Variants in GPRASP3 observed in about 807,000 individuals in gnomAD.
GPRASP3 encodes the protein G protein-coupled receptor associated sorting protein 3.
chrX:102,729,591 C>T, the GPRASP3 span, among the ~76,000 whole-genome samples: 2 of 112,295 alleles, frequency 1.8e-5, no homozygotes, highest in Non-Finnish European at 3.8e-5. Flanking sequence ...TAACAGAGCC[C>T]AGGCACAGTG....
At chrX:102,751,884 A>G in the GPRASP3 span, 4 of 121,746 alleles carry the variant, frequency 3.3e-5, no homozygotes, top group African/African-American at 1.3e-4. Flanking sequence ...CAAAGAGCTG[A>G]AATCATTTTA....
the GPRASP3 span, among the ~76,000 whole-genome samples, chrX:102,725,630 G>A: frequency 7.3e-5 from 8 of 109,381 alleles, no homozygotes; most frequent in Admixed American, 2.9e-4. Flanking sequence ...AAGTTCAAGC[G>A]ATCCTCCTGC....
At chrX:102,730,886 A>G in the GPRASP3 span, among the ~76,000 whole-genome samples, 72 of 112,302 alleles carry the variant, frequency 6.4e-4, no homozygotes, top group Admixed American at 6.5e-3. Flanking sequence ...TCCTTTTGGC[A>G]TAGTGAATCA....
At chrX:102,726,927 C>G in the GPRASP3 span, among the ~76,000 whole-genome samples, 1 of 112,362 alleles carries the variant, frequency 8.9e-6, no homozygotes, top group Non-Finnish European at 1.9e-5. Context: ...GTTGTCAGAC[C>G]TCTAGCAATC....
At chrX:102,739,638 G>A in the GPRASP3 span, among the ~76,000 whole-genome samples, 2 of 111,744 alleles carry the variant, frequency 1.8e-5, no homozygotes, top group Non-Finnish European at 3.8e-5. Context: ...AAGGACCAGA[G>A]TGAAGCACTA....
the GPRASP3 span, chrX:102,749,761 G>C: frequency 1.7e-6 from 2 of 1,211,875 alleles, no homozygotes; most frequent in Non-Finnish European, 2.2e-6. Flanking sequence ...TGAAGAAAAT[G>C]CCTGTTCTTT....
At chrX:102,736,002 A>T in the GPRASP3 span, among the ~76,000 whole-genome samples, 1 of 112,274 alleles carries the variant, frequency 8.9e-6, no homozygotes, top group Non-Finnish European at 1.9e-5. Flanking sequence ...TTTGGAGCCT[A>T]GGACACCAGA....
chrX:102,721,238 G>C, the GPRASP3 span: 1 of 111,787 alleles, frequency 8.9e-6, no homozygotes, highest in South Asian at 3.8e-4. Context: ...GGAGCCCAGA[G>C]CGGGGAAATG....
the GPRASP3 span, among the ~76,000 whole-genome samples, chrX:102,733,751 C>A: frequency 9.1e-6 from 1 of 109,728 alleles, no homozygotes; most frequent in East Asian, 2.9e-4. Flanking sequence ...CCATGAAAGT[C>A]CTGAAACGTA....
chrX:102,745,667 A>C, the GPRASP3 span, among the ~76,000 whole-genome samples: 4 of 111,403 alleles, frequency 3.6e-5, no homozygotes, highest in East Asian at 1.2e-3. Flanking sequence ...GCGGGGGTGC[A>C]GACACACCAA....
At chrX:102,724,145 G>T in the GPRASP3 span, among the ~76,000 whole-genome samples, 1 of 111,813 alleles carries the variant, frequency 8.9e-6, no homozygotes, top group Non-Finnish European at 1.9e-5. Context: ...TCAGAAGCAT[G>T]GGTGGCTTCC....
the GPRASP3 span, among the ~76,000 whole-genome samples, chrX:102,734,446 G>A: frequency 5.9e-4 from 66 of 111,495 alleles, no homozygotes; most frequent in Middle Eastern, 4.6e-3. Context: ...GCGAAACCCC[G>A]TCTCTACTAA....
chrX:102,726,496 C>T, the GPRASP3 span, among the ~76,000 whole-genome samples: 3 of 111,455 alleles, frequency 2.7e-5, no homozygotes, highest in East Asian at 8.4e-4. Context: ...CCTTTCCTTC[C>T]TTCCCAACCC....
chrX:102,747,674 A>T, the GPRASP3 span: 1 of 111,806 alleles, frequency 8.9e-6, no homozygotes, highest in Non-Finnish European at 1.9e-5. Context: ...GTGATTAGGG[A>T]ATCATTGAGG....
At chrX:102,733,876 C>G in the GPRASP3 span, among the ~76,000 whole-genome samples, 1 of 110,043 alleles carries the variant, frequency 9.1e-6, no homozygotes, top group African/African-American at 3.3e-5. Flanking sequence ...CGGGCTGAGT[C>G]CGAAAAGAGA....
the GPRASP3 span, among the ~76,000 whole-genome samples, chrX:102,731,746 G>A: frequency 1.8e-5 from 2 of 111,937 alleles, no homozygotes; most frequent in African/African-American, 3.3e-5. Flanking sequence ...GGATTTTATA[G>A]GCTGGTTCCT....
chrX:102,748,340 C>A, the GPRASP3 span, among the ~76,000 whole-genome samples: 1 of 111,610 alleles, frequency 9.0e-6, no homozygotes, highest in African/African-American at 3.3e-5. Flanking sequence ...TAGATCAGTG[C>A]AGGTTGGTGT....
the GPRASP3 span, chrX:102,720,825 G>A: frequency 8.9e-6 from 1 of 112,278 alleles, no homozygotes; most frequent in African/African-American, 3.2e-5. Flanking sequence ...TGTTAAGGTA[G>A]GTAGGTGTCT....
At chrX:102,749,815 T>C in the GPRASP3 span, 20 of 1,209,337 alleles carry the variant, frequency 1.7e-5, no homozygotes, top group Non-Finnish European at 2.1e-5. Flanking sequence ...CACTCGCTCA[T>C]GCTCACAGCC....
Sources: gnomAD v4.1 joint callset for allele counts (sites outside exome capture counted in the v4.1 genomes callset) on GRCh38, gnomAD v4.1.1 for gene constraint, MANE v1.5 for transcripts, NCBI Gene and HGNC (gene_info 2026-07-23, HGNC 2026-07-21) for gene names.